SDK1: variants seen among roughly 807,000 people sequenced by gnomAD.
SDK1 encodes the protein sidekick cell adhesion molecule 1, also known as protein sidekick-1.
In SDK1, 157 loss-of-function variants were observed where a neutral mutation model predicts 245.5. The observed-to-expected ratio is 0.64, with a 90% confidence interval of 0.56 to 0.73. The LOEUF (loss-of-function observed/expected upper bound fraction) is 0.73. SDK1 is among the 30% of genes least tolerant of loss of function. The pLI, the probability that SDK1 is intolerant of heterozygous loss-of-function variation, is 0.00. For synonymous variants in SDK1, 1,647 were observed against 1,278.5 expected (o/e 1.29, Z -6.15); for missense variants, 3,583 against 3,002.3 (o/e 1.19, Z -4.52).
intron 1 of SDK1, among the ~76,000 whole-genome samples, chr7:3,552,352 T>C (rs1054277537): frequency 6.6e-6 from 1 of 152,186 alleles, no homozygotes; most frequent in Non-Finnish European, 1.5e-5. Context: ...ATTTTACTCT[T>C]TTGAACCCTG....
intron 32 of SDK1, among the ~76,000 whole-genome samples, chr7:4,172,795 C>G (rs1360225306): frequency 6.6e-6 from 1 of 152,138 alleles, no homozygotes; most frequent in Non-Finnish European, 1.5e-5. Flanking sequence ...CTTATGGACG[C>G]GTTACTCCAG....
At chr7:3,460,913 T>C (rs766772487) in intron 1 of SDK1, among the ~76,000 whole-genome samples, 3 of 152,206 alleles carry the variant, frequency 2.0e-5, no homozygotes, top group Non-Finnish European at 4.4e-5. Context: ...AATAGCAACC[T>C]TTTTATCTTT....
intron 12 of SDK1, among the ~76,000 whole-genome samples, chr7:3,973,644 A>C (rs949262149): frequency 6.6e-6 from 1 of 151,868 alleles, no homozygotes; most frequent in African/African-American, 2.4e-5. Context: ...TCCTGTCCAG[A>C]CAACACTCTT....
intron 32 of SDK1, among the ~76,000 whole-genome samples, chr7:4,169,295 G>C (rs1781686123): frequency 6.6e-6 from 1 of 152,186 alleles, no homozygotes; most frequent in African/African-American, 2.4e-5. Context: ...AGTGGGGAAT[G>C]ACCCGGCACT....
intron 28 of SDK1, among the ~76,000 whole-genome samples, chr7:4,134,183 C>G (rs1379938432): frequency 2.0e-5 from 3 of 152,188 alleles, no homozygotes; most frequent in Non-Finnish European, 2.9e-5. Flanking sequence ...AGGCTGTGAC[C>G]TATTTTCGCT....
At chr7:3,690,367 T>C (rs1206244081) in intron 4 of SDK1, among the ~76,000 whole-genome samples, 1 of 152,204 alleles carries the variant, frequency 6.6e-6, no homozygotes, top group African/African-American at 2.4e-5. Flanking sequence ...AAAAATTGTA[T>C]TTTTTGACAA....
chr7:4,249,076 G>T (rs1234752864), intron 44 of SDK1, among the ~76,000 whole-genome samples: 4 of 152,186 alleles, frequency 2.6e-5, no homozygotes, highest in Non-Finnish European at 5.9e-5. Flanking sequence ...CACAGAGGTG[G>T]CCTCAGGGAG....
intron 22 of SDK1, among the ~76,000 whole-genome samples, chr7:4,080,276 C>G (rs2128178826): frequency 6.6e-6 from 1 of 152,200 alleles, no homozygotes; most frequent in South Asian, 2.1e-4. Flanking sequence ...TGTGCAAGTG[C>G]TGGAGCACGC....
At chr7:4,003,224 C>T (rs1055171077) in intron 14 of SDK1, among the ~76,000 whole-genome samples, 16 of 152,254 alleles carry the variant, frequency 1.1e-4, no homozygotes, top group African/African-American at 1.4e-4. Flanking sequence ...GCAGGTTCCA[C>T]GCAGGGCCTC....
chr7:4,177,463 G>A (rs1037118705), intron 34 of SDK1, among the ~76,000 whole-genome samples: 6 of 152,198 alleles, frequency 3.9e-5, no homozygotes, highest in African/African-American at 7.2e-5. Context: ...AGCAGCCCAC[G>A]CCCGTTCTTT....
intron 5 of SDK1, among the ~76,000 whole-genome samples, chr7:3,831,708 T>C (rs1171870360): frequency 6.6e-6 from 1 of 152,084 alleles, no homozygotes; most frequent in East Asian, 1.9e-4. Context: ...ACAACAGCTG[T>C]TCATTGGATG....
chr7:4,051,601 GA>G (rs1562731768), intron 18 of SDK1, 36 bp from the exon 19 acceptor site: 2 of 1,578,312 alleles, frequency 1.3e-6, no homozygotes, highest in Middle Eastern at 1.7e-4. Context: ...AAATGCCATT[GA>G]AAACAGGCTG....
At chr7:3,714,516 A>T (rs143401205) in intron 4 of SDK1, among the ~76,000 whole-genome samples, 74 of 152,326 alleles carry the variant, frequency 4.9e-4, no homozygotes, top group African/African-American at 1.6e-3. Flanking sequence ...ATTTCACATC[A>T]GTCCTTTAAG....
intron 1 of SDK1, among the ~76,000 whole-genome samples, chr7:3,533,915 C>T (rs534066079): frequency 6.6e-6 from 1 of 151,292 alleles, no homozygotes; most frequent in East Asian, 1.9e-4. Context: ...TGTAAAAACC[C>T]TTAACATGAG....
At chr7:3,775,976 T>C (rs184097914) in intron 4 of SDK1, among the ~76,000 whole-genome samples, 2 of 152,352 alleles carry the variant, frequency 1.3e-5, no homozygotes, top group Admixed American at 1.3e-4. Context: ...AACGAGTGAA[T>C]CTTCCACCAG....
intron 5 of SDK1, among the ~76,000 whole-genome samples, chr7:3,857,131 T>A (rs1361682820): frequency 6.6e-6 from 1 of 152,086 alleles, no homozygotes; most frequent in African/African-American, 2.4e-5. Context: ...GGAAAACTTA[T>A]CTAAATAGAG....
intron 1 of SDK1, among the ~76,000 whole-genome samples, chr7:3,507,025 C>A (rs952790815): frequency 6.6e-6 from 1 of 152,094 alleles, no homozygotes; most frequent in Non-Finnish European, 1.5e-5. Context: ...AACTTAGTCT[C>A]TTCAAGCCGG....
chr7:4,253,550 G>C (rs1424675670), intron 44 of SDK1, among the ~76,000 whole-genome samples: 1 of 152,040 alleles, frequency 6.6e-6, no homozygotes, highest in East Asian at 1.9e-4. Flanking sequence ...TTAAGGCCTG[G>C]CCTATGGTCT....
intron 1 of SDK1, among the ~76,000 whole-genome samples, chr7:3,580,940 G>A (rs1348576828): frequency 4.2e-5 from 5 of 118,038 alleles, no homozygotes; most frequent in African/African-American, 1.7e-4. Flanking sequence ...CCACATTCCA[G>A]CCTAGGTTAT....
Sources: gnomAD v4.1 joint callset for allele counts (sites outside exome capture counted in the v4.1 genomes callset) on GRCh38, gnomAD v4.1.1 for gene constraint, MANE v1.5 for transcripts, NCBI Gene and HGNC (gene_info 2026-07-23, HGNC 2026-07-21) for gene names.